The following IL4R variants were observed in gnomAD, a reference collection of about 807,000 sequenced individuals.
IL4R encodes interleukin 4 receptor.
Under a neutral mutation model 41.5 loss-of-function variants are expected in IL4R, and 17 were observed. The observed-to-expected ratio is 0.41, with a 90% CI of 0.28 to 0.61. The LOEUF (loss-of-function observed/expected upper bound fraction) is 0.61. IL4R is among the 20% of genes least tolerant of loss of function. The pLI is 0.31. For missense variants in IL4R, 974 were observed against 1,043.1 expected, an observed-to-expected ratio of 0.93 and a Z score of 0.91; for synonymous variants, 402 against 422.9, an observed-to-expected ratio of 0.95 and a Z score of 0.61.
Position 27,363,989 on chromosome 16 carries a change from C to A in IL4R, c.*159C>A. 1.2e-6 allele frequency: 1 copy of A among 831,878 alleles called. No homozygotes were observed. Among genetic ancestry groups the A allele is most frequent in the Non-Finnish European group, 1.9e-6 (1 of 534,034 alleles). 51.5% of individuals were successfully genotyped at this position (831,878 alleles called of 1,614,324 possible). A position where few individuals can be genotyped will look rare whatever the true frequency, so the allele number is the denominator to read the frequency against. ...TGGCCCCACTGACGTTGGCCTAACA[C>A]TGGGCTGCAGAGACTGGACCCCGCC... is the stretch of plus-strand genomic sequence containing the variant. On this transcript the variant is annotated 3_prime_UTR_variant, in exon 11 of 11. Transcript: ENST00000395762.
At chr16:27,333,641 G>C (rs1487897458) in intron 2 of IL4R, among the ~76,000 whole-genome samples, 1 of 152,068 alleles carries the variant, frequency 6.6e-6, no homozygotes, top group Non-Finnish European at 1.5e-5. Context: ...TCAAGTACAA[G>C]GTAAGTGCTG....
chr16:27,363,177 C>A lies in IL4R; in HGVS notation c.1825C>A (p.Leu609Met). The A allele has an allele frequency of 6.2e-7, 1 of 1,611,794 alleles. No homozygotes were observed. The highest frequency in any genetic ancestry group is 8.5e-7 in the Non-Finnish European group (1 of 1,178,690). Residue 609 changes from leucine to methionine, a missense_variant, in exon 11 of 11, where the codon CTG becomes ATG. Transcript: ENST00000395762. ...GGCTGGTTACAAGGCCTTCTCAAGC[C>A]TGCTTGCCAGCAGTGCTGTGTCCCC... ...GEAGYKAFSS[L>M]LASSAVSPEK... is the part of the protein sequence containing the mutation.
At chr16:27,352,841 G>A (rs1214099653) in intron 7 of IL4R, 145 bp downstream of exon 7, 1 of 772,300 alleles carries the variant, frequency 1.3e-6, no homozygotes, top group South Asian at 1.7e-5. Context: ...ACCTGCCGTG[G>A]TGTATCTGCC....
chr16:27,334,219 C>T (rs969035104), intron 2 of IL4R: 18 of 152,128 alleles, frequency 1.2e-4, no homozygotes, highest in African/African-American at 4.1e-4. Flanking sequence ...TTGAAATCAT[C>T]TCCTCTTGCC....
intron 2 of IL4R, among the ~76,000 whole-genome samples, chr16:27,338,644 T>C (rs1280906595): frequency 1.3e-5 from 2 of 152,062 alleles, no homozygotes; most frequent in Non-Finnish European, 2.9e-5. Flanking sequence ...GAGAAGTGAT[T>C]AAGTCATGAG....
chr16:27,318,044 A>G (rs1455707304), intron 1 of IL4R, among the ~76,000 whole-genome samples: 1 of 152,178 alleles, frequency 6.6e-6, no homozygotes, highest in East Asian at 1.9e-4. Flanking sequence ...CAACCAATAC[A>G]TATGTTCAGA....
chr16:27,352,911 T>C (rs2085927999), intron 7 of IL4R, among the ~76,000 whole-genome samples: 1 of 152,136 alleles, frequency 6.6e-6, no homozygotes, highest in African/African-American at 2.4e-5. Context: ...CTTAACACTA[T>C]GGGAATATAT....
chr16:27,351,632 A>G (rs2085881544), intron 6 of IL4R, among the ~76,000 whole-genome samples: 1 of 150,902 alleles, frequency 6.6e-6, no homozygotes, highest in Admixed American at 6.7e-5. Flanking sequence ...CTTCTGCCTC[A>G]GCCTCCTGAG....
At position 27,362,684 on chromosome 16, in the gene IL4R, C is replaced by T. The variant is rs775397550; in HGVS notation, c.1332C>T (p.Pro444=). ...PPSGSTSAHM[P]WDEFPSAGPK... Reference sequence around the variant, plus strand: ...CGGGAAGTACGAGTGCTCACATGCCCTGGGATGAGTTCCCAAGTGCAGGGC... The same window carrying T: ...CGGGAAGTACGAGTGCTCACATGCCTTGGGATGAGTTCCCAAGTGCAGGGC... Residue 444 remains proline (P), a synonymous_variant, in exon 11 of 11, where the codon CCC becomes CCT. Transcript: ENST00000395762. 5 of 1,614,062 alleles carry T rather than the reference C, an allele frequency of 3.1e-6. No homozygotes were observed. Among genetic ancestry groups the T allele is most frequent in the African/African-American group, 1.3e-5 (1 of 74,918 alleles).
At position 27,345,340 on chromosome 16, in the gene IL4R, G is replaced by A. The variant is rs2085603988; in HGVS notation, c.361+320G>A. Reference sequence around the variant, plus strand: ...CTGCTGCTGATTGAAAACCGAACTGGGAACATTCCTTCCATTCTGTGTCCA... The same window carrying A: ...CTGCTGCTGATTGAAAACCGAACTGAGAACATTCCTTCCATTCTGTGTCCA... On this transcript the variant is annotated intron_variant, in intron 5 of 10. Coordinates refer to ENST00000395762, the MANE Select transcript of IL4R (RefSeq NM_000418.4). This position sits in a 1 kb window ranked among gnomAD's most constrained non-coding sequence, Gnocchi z 4.5. The A allele has an allele frequency of 1.1e-5, 5 of 464,142 alleles. No homozygotes were observed. Among genetic ancestry groups the A allele is most frequent in the Non-Finnish European group, 1.7e-5 (4 of 238,728 alleles). 28.8% of individuals were successfully genotyped at this position (464,142 alleles called of 1,614,324 possible).
At chr16:27,341,353 A>G in intron 3 of IL4R, 1 of 599,192 alleles carries the variant, frequency 1.7e-6, no homozygotes, top group Non-Finnish European at 3.0e-6. Context: ...TTAGTTTTGG[A>G]CATGAGATAA....
In IL4R at chr16:27,362,481, G is replaced by A. The variant is rs772482594; in HGVS notation, c.1129G>A (p.Val377Ile). The A allele has an allele frequency of 3.7e-6, 6 of 1,613,966 alleles. No individual in the cohort carries two copies. In the African/African-American group the frequency reaches 4.0e-5, roughly 11 times the overall value. ...GGTGGAGTGTGAGGAGGAGGAGGAG[G>A]TAGAGGAAGAAAAAGGGAGCTTCTG... ...APVECEEEEEVEEEKGSFCAS... is the reference protein window; with the variant it reads ...APVECEEEEEIEEEKGSFCAS... Residue 377 changes from valine (V) to isoleucine (I), a missense_variant, in exon 11 of 11, where the codon GTA becomes ATA. Physicochemically the swap from Val to Ile is conservative, Grantham distance 29 (BLOSUM62 3). This residue lies in a region of IL4R where 682 missense variants were observed against 704.3 expected (regional missense o/e 0.97). Transcript: ENST00000395762.
intron 1 of IL4R, chr16:27,318,742 TG>T (rs2084721036): frequency 6.6e-6 from 1 of 152,230 alleles, no homozygotes; most frequent in African/African-American, 2.4e-5. Flanking sequence ...GGTGCCCAGC[TG>T]GGCTTGCATC....
chr16:27,314,086 C>T, intron 1 of IL4R, 66 bp downstream of exon 1: 6 of 985,010 alleles, frequency 6.1e-6, no homozygotes, highest in Non-Finnish European at 7.2e-6. Context: ...CGGCTGAGGG[C>T]GTTCGGGAAG....
chr16:27,320,128 A>T (rs1168308598), intron 1 of IL4R, among the ~76,000 whole-genome samples: 1 of 151,926 alleles, frequency 6.6e-6, no homozygotes, highest in Admixed American at 6.6e-5. Flanking sequence ...CAGTCTCCCA[A>T]AGTGCTGGGA....
chr16:27,320,434 G>A (rs1197336854), intron 1 of IL4R, among the ~76,000 whole-genome samples: 1 of 152,160 alleles, frequency 6.6e-6, no homozygotes, highest in Non-Finnish European at 1.5e-5. Flanking sequence ...TCCACATCAC[G>A]CTCTGTGCTG....
Position 27,340,285 on chromosome 16 carries a change from C to G in IL4R, c.70+12C>G, listed in dbSNP as rs2085399312. The G allele has an allele frequency of 1.2e-6, 2 of 1,605,982 alleles. No individual in the cohort carries two copies. The highest frequency in any genetic ancestry group is 1.7e-5 in the Admixed American group (1 of 59,972). On this transcript the variant is annotated intron_variant, in intron 3 of 10. Coordinates refer to ENST00000395762, the MANE Select transcript of IL4R (RefSeq NM_000418.4). ...GGTGGCAAGCTCTGGTAAGTCACCA[C>G]TTCTCAATCATTCATTTGTTGGCTA...
At chr16:27,330,957 C>T (rs1301796254) in intron 2 of IL4R, among the ~76,000 whole-genome samples, 1 of 151,876 alleles carries the variant, frequency 6.6e-6, no homozygotes, top group Non-Finnish European at 1.5e-5. Context: ...TGAGCTGGCC[C>T]TGGTCTCATT....
At chr16:27,329,207 C>T (rs2085044800) in intron 1 of IL4R, among the ~76,000 whole-genome samples, 1 of 152,102 alleles carries the variant, frequency 6.6e-6, no homozygotes, top group African/African-American at 2.4e-5. Flanking sequence ...TGAATAAAAG[C>T]TCCCTGAGGC....
Sources: allele counts gnomAD v4.1 joint callset (sites outside exome capture counted in the v4.1 genomes callset), GRCh38; gene constraint gnomAD v4.1.1; regional missense constraint gnomAD v4.1.1; non-coding constraint Gnocchi (gnomAD v3.1); transcripts MANE v1.5; gene names NCBI Gene and HGNC (gene_info 2026-07-23, HGNC 2026-07-21).